Variants in ARHGEF3 observed in about 807,000 individuals in gnomAD.
The protein encoded by ARHGEF3 is 59.8 kDA protein.
Under a neutral mutation model 63.2 loss-of-function variants are expected in ARHGEF3, and 28 were observed. That is an observed-to-expected ratio of 0.44 (90% CI 0.33 to 0.61). ARHGEF3 has a LOEUF of 0.61. Ranked by LOEUF, ARHGEF3 falls within the 20% of genes least tolerant of loss-of-function variation. The pLI is 0.03. For missense variants in ARHGEF3, 533 were observed against 659.3 expected (o/e 0.81, Z 2.10); for synonymous variants, 266 against 254.2 (o/e 1.05, Z -0.44).
chr3:56,746,255 G>T (rs2034375684), intron 6 of ARHGEF3, among the ~76,000 whole-genome samples: 1 of 152,202 alleles, frequency 6.6e-6, no homozygotes, highest in Non-Finnish European at 1.5e-5. Flanking sequence ...TGTAACACCT[G>T]CTCTTCAGAG....
At chr3:56,827,193 C>T (rs958468602) in intron 4 of ARHGEF3, among the ~76,000 whole-genome samples, 3 of 152,088 alleles carry the variant, frequency 2.0e-5, no homozygotes, top group African/African-American at 7.2e-5. Context: ...AGACAAATGA[C>T]AAACTGGGAA....
chr3:57,037,500 A>G (rs886567634), intron 1 of ARHGEF3, among the ~76,000 whole-genome samples: 8 of 152,238 alleles, frequency 5.3e-5, no homozygotes, highest in Non-Finnish European at 1.2e-4. Context: ...TTGAGGGGCC[A>G]CTGGCTAGTT....
At chr3:56,733,741 T>C (rs1446749285) in intron 8 of ARHGEF3, among the ~76,000 whole-genome samples, 3 of 152,012 alleles carry the variant, frequency 2.0e-5, no homozygotes, top group Non-Finnish European at 4.4e-5. Flanking sequence ...CCCAGCACTT[T>C]GGGAGGCCGA....
chr3:56,745,114 C>A, intron 7 of ARHGEF3, 91 bp downstream of exon 7: 1 of 1,464,192 alleles, frequency 6.8e-7, no homozygotes, highest in Non-Finnish European at 9.3e-7. Flanking sequence ...TACTAAGTAC[C>A]CAGGGACTCT....
intron 4 of ARHGEF3, among the ~76,000 whole-genome samples, chr3:56,822,053 GAATCTAAA>G (rs2038527817): frequency 6.6e-6 from 1 of 151,904 alleles, no homozygotes; most frequent in Non-Finnish European, 1.5e-5. Flanking sequence ...GAAAAGAAAA[GAATCTAAA>G]AGAAGAAAAG....
At chr3:56,912,941 G>A (rs948263842) in intron 3 of ARHGEF3, among the ~76,000 whole-genome samples, 7 of 152,076 alleles carry the variant, frequency 4.6e-5, no homozygotes, top group African/African-American at 1.4e-4. Context: ...AGTTCAAGAC[G>A]AGCCTGGGCA....
chr3:56,852,137 C>T (rs2039695984), intron 4 of ARHGEF3, among the ~76,000 whole-genome samples: 1 of 152,118 alleles, frequency 6.6e-6, no homozygotes, highest in Admixed American at 6.6e-5. Flanking sequence ...ATTTCCCAAA[C>T]CTGGACCTTC....
chr3:57,025,133 G>A (rs1703420867), intron 2 of ARHGEF3, among the ~76,000 whole-genome samples: 1 of 152,140 alleles, frequency 6.6e-6, no homozygotes, highest in Admixed American at 6.5e-5. Context: ...AAATAAAGGA[G>A]GGATCTGTTC....
chr3:57,064,124 T>C (rs558789799), intron 1 of ARHGEF3, among the ~76,000 whole-genome samples: 4 of 152,002 alleles, frequency 2.6e-5, no homozygotes, highest in African/African-American at 9.6e-5. Flanking sequence ...AAAAAATTAA[T>C]TGGGCATAGT....
intron 1 of ARHGEF3, among the ~76,000 whole-genome samples, chr3:57,062,072 C>G (rs1290040032): frequency 6.6e-6 from 1 of 152,108 alleles, no homozygotes; most frequent in Non-Finnish European, 1.5e-5. Context: ...GGATGCTCCA[C>G]TGGATTGGAT....
At chr3:56,793,702 C>T (rs2037208556) in intron 1 of ARHGEF3, among the ~76,000 whole-genome samples, 1 of 152,166 alleles carries the variant, frequency 6.6e-6, no homozygotes, top group Non-Finnish European at 1.5e-5. Flanking sequence ...CTAGAGTGAA[C>T]ATTTTAAATC....
intron 7 of ARHGEF3, among the ~76,000 whole-genome samples, chr3:56,744,013 CT>C (rs540300448): frequency 1.1e-3 from 163 of 152,068 alleles, no homozygotes; most frequent in African/African-American, 3.8e-3. Flanking sequence ...AAAAAAAAAA[CT>C]TCAATTAATT....
chr3:56,913,756 C>A (rs1300761652), intron 3 of ARHGEF3, among the ~76,000 whole-genome samples: 3 of 152,176 alleles, frequency 2.0e-5, no homozygotes, highest in Non-Finnish European at 4.4e-5. Context: ...AAAAGTAGAT[C>A]TACCATTTGA....
chr3:57,026,083 C>A (rs1239276704), intron 2 of ARHGEF3, among the ~76,000 whole-genome samples: 2 of 152,116 alleles, frequency 1.3e-5, no homozygotes, highest in Non-Finnish European at 2.9e-5. Flanking sequence ...CCTTATGAGC[C>A]TAGTGAGCCC....
intron 3 of ARHGEF3, among the ~76,000 whole-genome samples, chr3:56,900,746 C>G (rs1046916629): frequency 3.3e-5 from 5 of 152,156 alleles, no homozygotes; most frequent in Admixed American, 1.3e-4. Flanking sequence ...TGCTTTTAAT[C>G]GGAAGTTACC....
chr3:56,822,854 A>AT (rs951550580), intron 4 of ARHGEF3, among the ~76,000 whole-genome samples: 9 of 151,436 alleles, frequency 5.9e-5, no homozygotes, highest in African/African-American at 1.9e-4. Flanking sequence ...ACTCTGAAAA[A>AT]AAAAAAAAAA....
intron 1 of ARHGEF3, among the ~76,000 whole-genome samples, chr3:56,786,798 C>T (rs1236283484): frequency 6.6e-6 from 1 of 151,974 alleles, no homozygotes; most frequent in East Asian, 1.9e-4. Flanking sequence ...TCACTCTCAG[C>T]TAGTTTCAAT....
At chr3:56,906,816 G>A (rs1370345063) in intron 3 of ARHGEF3, among the ~76,000 whole-genome samples, 2 of 149,542 alleles carry the variant, frequency 1.3e-5, no homozygotes, top group Non-Finnish European at 3.0e-5. Context: ...CAGCCTGGGC[G>A]ACAGAGCGAG....
chr3:56,797,839 T>C (rs186961377), intron 1 of ARHGEF3, among the ~76,000 whole-genome samples: 12 of 152,224 alleles, frequency 7.9e-5, no homozygotes, highest in African/African-American at 2.9e-4. Flanking sequence ...GCATGTCTGT[T>C]AAGTTTTGTA....
Sources: allele counts gnomAD v4.1 joint callset (sites outside exome capture counted in the v4.1 genomes callset), GRCh38; gene constraint gnomAD v4.1.1; transcripts MANE v1.5; gene names NCBI Gene and HGNC (gene_info 2026-07-23, HGNC 2026-07-21).